The following CTSV variants were observed in gnomAD, a reference collection of about 807,000 sequenced individuals.
CTSV encodes the protein cathepsin V.
In CTSV, 33 loss-of-function variants were observed where a neutral mutation model predicts 35.6. The observed-to-expected ratio is 0.93, with a 90% CI of 0.70 to 1.24. The LOEUF (loss-of-function observed/expected upper bound fraction) is 1.24, where lower values mean the gene tolerates loss of function less well. CTSV is among the 50% of genes most tolerant of loss of function. CTSV has a pLI of 0.00. For missense variants in CTSV, 408 were observed against 413.1 expected, an observed-to-expected ratio of 0.99 and a Z score of 0.11; for synonymous variants, 154 against 147.1, an observed-to-expected ratio of 1.05 and a Z score of -0.34.
At chr9:97,035,928 T>A (rs1209589967) in intron 5 of CTSV, among the ~76,000 whole-genome samples, 1 of 152,200 alleles carries the variant, frequency 6.6e-6, no homozygotes, top group African/African-American at 2.4e-5. Flanking sequence ...TCACAATGGA[T>A]AAAGTTCTAT....
At position 97,031,606 on chromosome 9, in the gene CTSV, T is replaced by C. The variant is rs567796877; in HGVS notation, c.*1343A>G. 6.6e-6 allele frequency: 1 copy of C among 152,248 alleles called. No homozygotes were observed. Among genetic ancestry groups the C allele is most frequent in the Non-Finnish European group, 1.5e-5 (1 of 68,048 alleles). 9.4% of individuals were successfully genotyped at this position (152,248 alleles called of 1,614,324 possible). On this transcript the variant is annotated 3_prime_UTR_variant, in exon 8 of 8. Coordinates refer to ENST00000259470, the MANE Select transcript of CTSV (RefSeq NM_001333.4). ...TTAAATATGCAAAAATATCGTTTTA[T>C]TTGTATTTACTACCTGTGTAACTAT...
At chr9:97,038,357 T>C in intron 1 of CTSV, 1 of 260,426 alleles carries the variant, frequency 3.8e-6, no homozygotes, top group Non-Finnish European at 7.7e-6. Context: ...GGTCCAGGTT[T>C]TGCACCAATT....
intron 2 of CTSV, 93 bp downstream of exon 2, chr9:97,037,825 C>T: frequency 6.6e-7 from 1 of 1,521,782 alleles, no homozygotes. Flanking sequence ...CTGGTAAGGT[C>T]TGGTGTCTAG....
At chr9:97,038,244 G>A (rs1828891104) in intron 1 of CTSV, among the ~76,000 whole-genome samples, 191 bp from the exon 2 acceptor site, 1 of 152,164 alleles carries the variant, frequency 6.6e-6, no homozygotes. Flanking sequence ...AGAGTTGGAG[G>A]CGTTGAAACA....
At chr9:97,039,352 GGGCTGCGCGGA>G (rs1174915426), upstream of CTSV, 1 of 153,010 alleles carries the variant, frequency 6.5e-6, no homozygotes, top group African/African-American at 2.4e-5. Context: ...GGGCGCCCGG[GGGCTGCGCGGA>G]GGAGGGGGAG....
chr9:97,036,505 A>G lies in CTSV; in HGVS notation c.621+18T>C. On this transcript the variant is annotated intron_variant, in intron 5 of 7. Transcript: ENST00000259470. ...CCAAAAGCAGAGCACGAATGACAAG[A>G]TAAGGAGCTCCATTTACCACTGCTA... is the stretch of plus-strand genomic sequence containing the variant. 6.4e-7 allele frequency: 1 copy of G among 1,570,998 alleles called. No individual in the cohort carries two copies. The highest frequency in any genetic ancestry group is 8.8e-7 in the Non-Finnish European group (1 of 1,140,744).
At chr9:97,036,130 G>T (rs10118923) in intron 5 of CTSV, among the ~76,000 whole-genome samples, 20,506 of 151,434 alleles carry the variant, frequency 0.14, 1,930 homozygotes, top group East Asian at 0.43. Flanking sequence ...GAGTGTAGTG[G>T]TGCGATCTTG....
chr9:97,037,276 G>C lies in CTSV; in HGVS notation c.372C>G (p.Gly124=). ...CCTGATTCTTCACTGGCGTCACGTA[G>C]CCTTTCTTTCTCCAATCCACAGATT... The part of the protein sequence containing the change: ...LPKSVDWRKK[G]YVTPVKNQKQ... The change falls in exon 4 of 8, where the codon GGC becomes GGG. Residue 124 remains glycine, a synonymous_variant. Transcript: ENST00000259470. The C allele has an allele frequency of 6.2e-7, 1 of 1,614,136 alleles. No homozygotes were observed. The highest frequency in any genetic ancestry group is 8.5e-7 in the Non-Finnish European group (1 of 1,180,010).
intron 7 of CTSV, 146 bp downstream of exon 7, chr9:97,034,580 C>G (rs1378932481): frequency 4.6e-6 from 3 of 646,530 alleles, no homozygotes; most frequent in African/African-American, 3.6e-5. Context: ...AAGCTTGGTA[C>G]GGAATCTTAT....
chr9:97,035,551 G>T lies in CTSV; in HGVS notation c.764C>A (p.Ser255Ter). 3 of 1,562,336 alleles carry T rather than the reference G, an allele frequency of 1.9e-6. No individual in the cohort carries two copies. The Middle Eastern group carries it at 5.1e-4, about 266-fold the overall frequency. Reference protein sequence around the residue: ...PISVAMDAGHSSFQFYKSGIY... With the variant: ...PISVAMDAGH The stretch of plus-strand genomic sequence containing the variant: ...ACCTGATTTGTAGAACTGGAAGGAC[G>T]AATGGCCTGCATCCATAGCAACGGA... The change falls in exon 6 of 8, where the codon TCG becomes TAG. Residue 255 changes from serine (S) to a stop codon, truncating the protein, a stop_gained. Transcript: ENST00000259470. LOFTEE classifies it high-confidence loss of function.
intron 7 of CTSV, among the ~76,000 whole-genome samples, chr9:97,034,466 C>A (rs562410857): frequency 6.6e-6 from 1 of 152,264 alleles, no homozygotes; most frequent in African/African-American, 2.4e-5. Flanking sequence ...CCTACAGGTC[C>A]ACAGTCCTTT....
rs541142550 is a variant in CTSV, at chr9:97,034,862, T to G, written c.788-19A>C. 1.3e-6 allele frequency: 2 copies of G among 1,596,522 alleles called. No individual in the cohort carries two copies. The highest frequency in any genetic ancestry group is 2.7e-5 in the African/African-American group (2 of 74,712). Reference sequence around the variant, plus strand: ...TAAATGCCTGGGAGAGTAAAATTAATGCTGGGGTGAGAAGCTCCAAGCGAC... The same window carrying G: ...TAAATGCCTGGGAGAGTAAAATTAAGGCTGGGGTGAGAAGCTCCAAGCGAC... On this transcript the variant is annotated intron_variant, in intron 6 of 7. Transcript: ENST00000259470.
chr9:97,036,831 T>TAA, intron 4 of CTSV, 84 bp from the exon 5 acceptor site: 67 of 1,139,574 alleles, frequency 5.9e-5, no homozygotes, highest in South Asian at 1.6e-4. Flanking sequence ...TTAATATTCT[T>TAA]TAAAAAAAAA....
chr9:97,038,095 TA>T (rs753800219), intron 1 of CTSV, 42 bp from the exon 2 acceptor site: 1 of 1,575,308 alleles, frequency 6.3e-7, no homozygotes, highest in Non-Finnish European at 8.7e-7. Flanking sequence ...AGACCAATCC[TA>T]AAAAGCCATC....
intron 7 of CTSV, 85 bp downstream of exon 7, chr9:97,034,641 G>A (rs182622746): frequency 4.0e-5 from 41 of 1,032,180 alleles, no homozygotes; most frequent in Admixed American, 7.0e-5. Flanking sequence ...AAAGACTTTC[G>A]GAATTTTGAA....
At chr9:97,038,792 G>C (rs1002619735) in intron 1 of CTSV, among the ~76,000 whole-genome samples, 5 of 152,140 alleles carry the variant, frequency 3.3e-5, no homozygotes, top group Non-Finnish European at 7.4e-5. Flanking sequence ...TGCAGGGAGC[G>C]GGGGCTCCGC....
At chr9:97,035,720 T>C (rs781596286) in intron 5 of CTSV, 27 bp from the exon 6 acceptor site, 1 of 1,401,254 alleles carries the variant, frequency 7.1e-7, no homozygotes, top group Non-Finnish European at 9.4e-7. Flanking sequence ...GGGAGAGACT[T>C]GATCACTACC....
chr9:97,036,915 G>A (rs747478488), intron 4 of CTSV, among the ~76,000 whole-genome samples, 168 bp from the exon 5 acceptor site: 10 of 151,718 alleles, frequency 6.6e-5, no homozygotes, highest in Non-Finnish European at 1.0e-4. Flanking sequence ...AATCCGCCTG[G>A]CCAACATGGT....
At chr9:97,033,069 C>T in intron 7 of CTSV, 21 bp from the exon 8 acceptor site, 1 of 1,552,350 alleles carries the variant, frequency 6.4e-7, no homozygotes, top group Non-Finnish European at 8.8e-7. Context: ...AGCAGGTTTT[C>T]CATTTTATAC....
Sources: gnomAD v4.1 joint callset for allele counts (sites outside exome capture counted in the v4.1 genomes callset) on GRCh38, gnomAD v4.1.1 for gene constraint, MANE v1.5 for transcripts, NCBI Gene and HGNC (gene_info 2026-07-23, HGNC 2026-07-21) for gene names.